Variants in PCLO observed in about 807,000 individuals in gnomAD.
The protein encoded by PCLO is protein piccolo.
PCLO carries 82 observed loss-of-function variants against 427.5 expected under a neutral mutation model. The ratio of observed to expected loss-of-function variants is 0.19; its 90% CI spans 0.16 to 0.23. The LOEUF is 0.23. Among genes scored for constraint, PCLO ranks in the 10% least tolerant of loss-of-function variants. PCLO has a pLI of 1.00. For synonymous variants in PCLO, 2,357 were observed against 2,155.4 expected (o/e 1.09, Z -2.59); for missense variants, 6,239 against 6,115.9 (o/e 1.02, Z -0.67).
At chr7:82,892,204 A>G (rs200756701) in intron 9 of PCLO, among the ~76,000 whole-genome samples, 4 of 152,106 alleles carry the variant, frequency 2.6e-5, no homozygotes, top group Admixed American at 2.0e-4. Context: ...AACCAAAACA[A>G]CATGGTACTG....
intron 3 of PCLO, among the ~76,000 whole-genome samples, chr7:83,110,780 C>T (rs772511546): frequency 5.9e-5 from 9 of 152,172 alleles, no homozygotes; most frequent in Admixed American, 2.6e-4. Flanking sequence ...TTATATTTAT[C>T]TGTCCACTTC....
rs1255093323 is a variant in PCLO, at chr7:83,155,265, G to A, written c.1376C>T (p.Thr459Ile). The A allele has an allele frequency of 2.5e-6, 4 of 1,613,984 alleles. No individual in the cohort carries two copies. The highest frequency in any genetic ancestry group is 3.4e-6 in the Non-Finnish European group (4 of 1,179,904). The change falls in exon 2 of 25, where the codon ACT becomes ATT. Residue 459 changes from threonine to isoleucine, a missense_variant. Physicochemically the swap from Thr to Ile is moderately conservative, Grantham distance 89. Transcript: ENST00000333891. ...IPAQQAGPGK[T>I]SAQQTGPTKP... ...TGTTGGGCCAGTCTGCTGGGCAGAA[G>A]TCTTTCCGGGTCCTGCCTGTTGAGC... is the stretch of plus-strand genomic sequence containing the variant.
chr7:83,117,784 A>C (rs542181886), intron 3 of PCLO, among the ~76,000 whole-genome samples: 1 of 152,298 alleles, frequency 6.6e-6, no homozygotes, highest in South Asian at 2.1e-4. Flanking sequence ...CAGGAGTCTC[A>C]TGTCTACAGT....
intron 16 of PCLO, among the ~76,000 whole-genome samples, chr7:82,834,745 T>G (rs1792184303): frequency 6.6e-6 from 1 of 152,156 alleles, no homozygotes; most frequent in African/African-American, 2.4e-5. Context: ...AGTGTAATGA[T>G]GCAACTTGTC....
intron 3 of PCLO, among the ~76,000 whole-genome samples, chr7:83,056,958 CAT>C (rs560905649): frequency 2.0e-4 from 31 of 152,186 alleles, no homozygotes; most frequent in African/African-American, 7.0e-4. Context: ...ATTCATCTAA[CAT>C]GTGCTCTAAA....
At chr7:82,760,264 G>C (rs1790402898) in intron 24 of PCLO, among the ~76,000 whole-genome samples, 1 of 151,954 alleles carries the variant, frequency 6.6e-6, no homozygotes, top group South Asian at 2.1e-4. Flanking sequence ...GTTTTAAAAT[G>C]TAACTCTGGC....
At chr7:83,117,317 C>T (rs1791159788) in intron 3 of PCLO, among the ~76,000 whole-genome samples, 1 of 152,126 alleles carries the variant, frequency 6.6e-6, no homozygotes, top group South Asian at 2.1e-4. Flanking sequence ...AGCTTCCAGC[C>T]CTTAGTTAAC....
At chr7:83,073,492 C>A (rs1789869865) in intron 3 of PCLO, among the ~76,000 whole-genome samples, 1 of 151,896 alleles carries the variant, frequency 6.6e-6, no homozygotes, top group South Asian at 2.1e-4. Context: ...ATGAATAGAA[C>A]AAAATCCTGC....
chr7:83,031,348 A>C (rs1432754228), intron 3 of PCLO, among the ~76,000 whole-genome samples: 1 of 152,314 alleles, frequency 6.6e-6, no homozygotes, highest in South Asian at 2.1e-4. Flanking sequence ...ATGGAAATGT[A>C]TGTTTTACTA....
At chr7:83,004,886 A>C (rs546030976) in intron 3 of PCLO, among the ~76,000 whole-genome samples, 1 of 151,718 alleles carries the variant, frequency 6.6e-6, no homozygotes, top group Non-Finnish European at 1.5e-5. Flanking sequence ...TTTTTTTATT[A>C]TAAGTCATAC....
At chr7:83,065,698 T>G (rs1189433304) in intron 3 of PCLO, among the ~76,000 whole-genome samples, 4 of 152,012 alleles carry the variant, frequency 2.6e-5, no homozygotes, top group Admixed American at 1.3e-4. Flanking sequence ...AAATAACACT[T>G]GCAATTATTT....
At chr7:82,770,478 T>C (rs979641579) in intron 22 of PCLO, among the ~76,000 whole-genome samples, 1 of 151,956 alleles carries the variant, frequency 6.6e-6, no homozygotes. Context: ...AATTGCTCAG[T>C]TCATTCAGAG....
intron 14 of PCLO, 46 bp from the exon 15 acceptor site, chr7:82,838,388 A>G: frequency 9.1e-7 from 1 of 1,095,850 alleles, no homozygotes; most frequent in Non-Finnish European, 1.3e-6. Flanking sequence ...AAAGCATGTT[A>G]TACATTATCA....
intron 3 of PCLO, among the ~76,000 whole-genome samples, chr7:83,058,908 T>C (rs1045239545): frequency 1.3e-5 from 2 of 152,050 alleles, no homozygotes; most frequent in South Asian, 2.1e-4. Context: ...AATGACAATA[T>C]TCATTTGAGC....
chr7:83,156,528 A>G (rs1792305981), intron 1 of PCLO, 136 bp from the exon 2 acceptor site: 3 of 539,954 alleles, frequency 5.6e-6, no homozygotes, highest in African/African-American at 1.9e-5. Flanking sequence ...CCATTTTTGT[A>G]GCATCCTTTA....
At chr7:82,982,753 T>C (rs2115786495) in intron 3 of PCLO, among the ~76,000 whole-genome samples, 1 of 152,114 alleles carries the variant, frequency 6.6e-6, no homozygotes, top group African/African-American at 2.4e-5. Flanking sequence ...CGTAACATTT[T>C]GGTCATATTT....
At chr7:82,846,666 A>G in intron 11 of PCLO, 32 bp from the exon 12 acceptor site, 3 of 1,442,292 alleles carry the variant, frequency 2.1e-6, no homozygotes, top group Admixed American at 3.9e-5. Context: ...TAAGAAAGAT[A>G]TTGAGGAAAT....
intron 22 of PCLO, among the ~76,000 whole-genome samples, chr7:82,762,994 G>A (rs948978252): frequency 6.6e-6 from 1 of 152,050 alleles, no homozygotes; most frequent in Non-Finnish European, 1.5e-5. Flanking sequence ...AGGCTGAAGT[G>A]TAGTGGCCCG....
At chr7:83,139,748 T>C (rs76217987) in intron 2 of PCLO, among the ~76,000 whole-genome samples, 8,915 of 152,246 alleles carry the variant, frequency 0.059, 570 homozygotes, top group East Asian at 0.26. Context: ...AGAAAGATAT[T>C]TGATCCATCA....
Sources: gnomAD v4.1 joint callset for allele counts (sites outside exome capture counted in the v4.1 genomes callset) on GRCh38, gnomAD v4.1.1 for gene constraint, MANE v1.5 for transcripts, NCBI Gene and HGNC (gene_info 2026-07-23, HGNC 2026-07-21) for gene names.